SEMA5A: variants seen among roughly 807,000 people sequenced by gnomAD.
SEMA5A encodes semaphorin 5A, also known as semaphorin-5A.
A neutral mutation model predicts 135.5 loss-of-function variants in SEMA5A; 55 were observed. That is an observed-to-expected ratio of 0.41 (90% CI 0.33 to 0.51). The LOEUF is 0.51. SEMA5A is among the 20% of genes least tolerant of loss of function. The pLI, the probability that SEMA5A is intolerant of heterozygous loss-of-function variation, is 0.37. For synonymous variants in SEMA5A, 580 were observed against 546.5 expected, an observed-to-expected ratio of 1.06 and a Z score of -0.85; for missense variants, 1,290 against 1,419.9, an observed-to-expected ratio of 0.91 and a Z score of 1.47.
chr5:9,326,578 G>A (rs979735319), intron 4 of SEMA5A, among the ~76,000 whole-genome samples: 11 of 151,964 alleles, frequency 7.2e-5, no homozygotes, highest in African/African-American at 2.2e-4. Flanking sequence ...TCAGTAGTTC[G>A]AGACTAGCCT....
At chr5:9,329,722 T>C (rs1753034108) in intron 4 of SEMA5A, among the ~76,000 whole-genome samples, 1 of 152,188 alleles carries the variant, frequency 6.6e-6, no homozygotes, top group South Asian at 2.1e-4. Context: ...ATCTGGGAAA[T>C]AGGAAGCCTT....
chr5:9,251,745 C>T (rs572343104), intron 5 of SEMA5A, among the ~76,000 whole-genome samples: 12 of 152,092 alleles, frequency 7.9e-5, no homozygotes, highest in Admixed American at 2.0e-4. Context: ...AAAGAGCTGC[C>T]GGCAAGACAT....
Position 9,433,023 on chromosome 5 carries a change from G to T in SEMA5A, c.-78+4733C>A, listed in dbSNP as rs535958270. Among the ~76,000 whole-genome samples, 46 of 152,262 alleles carry T rather than the reference G, an allele frequency of 3.0e-4. No individual in the cohort carries two copies. In the South Asian group the frequency reaches 9.1e-3, roughly 30 times the overall value. ...ATAAAAGAATGAGAAAATTTAAGTT[G>T]TCTGGTTCTAAACTAGGTCTCTATT... is the stretch of plus-strand genomic sequence containing the variant. On this transcript the variant is annotated intron_variant, in intron 2 of 22. Coordinates refer to ENST00000382496, the MANE Select transcript of SEMA5A (RefSeq NM_003966.3).
intron 3 of SEMA5A, among the ~76,000 whole-genome samples, chr5:9,352,647 C>T (rs911241156): frequency 3.3e-5 from 5 of 152,068 alleles, no homozygotes; most frequent in Non-Finnish European, 5.9e-5. Context: ...TGTTTATATC[C>T]AAATAATATT....
chr5:9,258,997 T>A (rs1381583771), intron 5 of SEMA5A, among the ~76,000 whole-genome samples: 1 of 151,964 alleles, frequency 6.6e-6, no homozygotes, highest in Non-Finnish European at 1.5e-5. Context: ...TAATTTTGTA[T>A]TTTTGGTAGA....
chr5:9,364,220 G>T (rs565796196), intron 3 of SEMA5A, among the ~76,000 whole-genome samples: 1 of 152,114 alleles, frequency 6.6e-6, no homozygotes, highest in South Asian at 2.1e-4. Flanking sequence ...GCCCTTAAGA[G>T]CTTTCAAAAT....
At chr5:9,415,889 C>A (rs1373981511) in intron 2 of SEMA5A, among the ~76,000 whole-genome samples, 1 of 152,158 alleles carries the variant, frequency 6.6e-6, no homozygotes, top group African/African-American at 2.4e-5. Flanking sequence ...TGAAATCTTC[C>A]ATTGTTGGAC....
chr5:9,393,881 C>T (rs1400008173), intron 2 of SEMA5A, among the ~76,000 whole-genome samples: 1 of 152,018 alleles, frequency 6.6e-6, no homozygotes, highest in Non-Finnish European at 1.5e-5. Flanking sequence ...AGAAATAATA[C>T]AGGTGTCCAT....
chr5:9,290,341 A>G (rs1405138519), intron 5 of SEMA5A, among the ~76,000 whole-genome samples: 2 of 152,182 alleles, frequency 1.3e-5, no homozygotes, highest in Non-Finnish European at 2.9e-5. Context: ...ACTTAGAATA[A>G]TGGTTTCCAG....
At chr5:9,302,662 T>C (rs894507883) in intron 5 of SEMA5A, among the ~76,000 whole-genome samples, 1 of 152,182 alleles carries the variant, frequency 6.6e-6, no homozygotes, top group African/African-American at 2.4e-5. Flanking sequence ...AATATCGATA[T>C]TGAACACATC....
chr5:9,486,396 C>T (rs188585391), intron 1 of SEMA5A, among the ~76,000 whole-genome samples: 6 of 152,216 alleles, frequency 3.9e-5, no homozygotes, highest in Non-Finnish European at 7.4e-5. Flanking sequence ...ACCTATGTAA[C>T]GAACCTGCAC....
intron 3 of SEMA5A, among the ~76,000 whole-genome samples, chr5:9,379,374 G>T (rs187276166): frequency 3.3e-4 from 50 of 152,238 alleles, no homozygotes; most frequent in African/African-American, 1.2e-3. Flanking sequence ...AGAGATACTT[G>T]GGACATTAAA....
At chr5:9,189,294 C>T (rs1744968816) in intron 11 of SEMA5A, among the ~76,000 whole-genome samples, 1 of 152,108 alleles carries the variant, frequency 6.6e-6, no homozygotes, top group South Asian at 2.1e-4. Context: ...AACGTAAGGT[C>T]CAGCAGGGCA....
chr5:9,202,953 A>G (rs1210374000), intron 8 of SEMA5A, among the ~76,000 whole-genome samples: 1 of 152,212 alleles, frequency 6.6e-6, no homozygotes, highest in African/African-American at 2.4e-5. Context: ...TTCTGGTCTC[A>G]TAATTAGTTT....
chr5:9,203,505 G>C (rs1306822668), intron 8 of SEMA5A, among the ~76,000 whole-genome samples: 1 of 152,208 alleles, frequency 6.6e-6, no homozygotes, highest in African/African-American at 2.4e-5. Context: ...CCTAAGGTCT[G>C]AAGTGCAGAA....
At chr5:9,395,017 C>A (rs1474451591) in intron 2 of SEMA5A, among the ~76,000 whole-genome samples, 2 of 151,736 alleles carry the variant, frequency 1.3e-5, no homozygotes, top group South Asian at 2.1e-4. Context: ...ACTCCTAAGT[C>A]GTAGGAAAAT....
intron 2 of SEMA5A, among the ~76,000 whole-genome samples, chr5:9,415,750 C>T (rs569485210): frequency 2.6e-5 from 4 of 152,304 alleles, no homozygotes; most frequent in Non-Finnish European, 4.4e-5. Context: ...TGATTACTGT[C>T]TGCACCGTTG....
chr5:9,228,758 C>T (rs758715968), intron 6 of SEMA5A, among the ~76,000 whole-genome samples: 41 of 152,312 alleles, frequency 2.7e-4, no homozygotes, highest in African/African-American at 8.7e-4. Flanking sequence ...GAATGAATGA[C>T]GCACGAGGCA....
chr5:9,500,158 G>T (rs1261772924), intron 1 of SEMA5A, among the ~76,000 whole-genome samples: 1 of 152,186 alleles, frequency 6.6e-6, no homozygotes, highest in Non-Finnish European at 1.5e-5. Flanking sequence ...CACAGAGCCA[G>T]ATGTAAATTA....
Sources: gnomAD v4.1 joint callset for allele counts (sites outside exome capture counted in the v4.1 genomes callset) on GRCh38, gnomAD v4.1.1 for gene constraint, MANE v1.5 for transcripts, NCBI Gene and HGNC (gene_info 2026-07-23, HGNC 2026-07-21) for gene names.